KCNU1: variants seen among roughly 807,000 people sequenced by gnomAD.
KCNU1 encodes potassium channel subfamily U member 1.
Under a neutral mutation model 126.8 loss-of-function variants are expected in KCNU1, and 93 were observed. The observed-to-expected ratio is 0.73, with a 90% CI of 0.62 to 0.87. KCNU1 has a LOEUF of 0.87. Among genes scored for constraint, KCNU1 ranks in the 40% least tolerant of loss-of-function variants. The pLI is 0.00. For synonymous variants in KCNU1, 523 were observed against 494.2 expected, an observed-to-expected ratio of 1.06 and a Z score of -0.77; for missense variants, 1,330 against 1,367.1, an observed-to-expected ratio of 0.97 and a Z score of 0.43.
chr8:36,801,521 C>T (rs1007635062), intron 2 of KCNU1, among the ~76,000 whole-genome samples: 28 of 151,356 alleles, frequency 1.8e-4, no homozygotes, highest in African/African-American at 6.6e-4. Flanking sequence ...ATGCCATCAT[C>T]TTTCCAGAAA....
chr8:36,905,773 G>A lies in KCNU1; in HGVS notation c.2075G>A (p.Cys692Tyr), dbSNP rs1267314013. 1.3e-6 allele frequency: 2 copies of A among 1,594,560 alleles called. No homozygotes were observed. The highest frequency in any genetic ancestry group is 3.4e-5 in the Admixed American group (2 of 58,292). Reference sequence around the variant, plus strand: ...GATAGCAGTGGGATGTTTCACTGGTGCAAACCAACCTCTTTGGACAAGGTG... The same window carrying A: ...GATAGCAGTGGGATGTTTCACTGGTACAAACCAACCTCTTTGGACAAGGTG... ...QLDSSGMFHW[C>Y]KPTSLDKVTL... The change falls in exon 20 of 27, where the codon TGC becomes TAC. Residue 692 changes from cysteine (C) to tyrosine (Y), a missense_variant. This residue lies in a region of KCNU1 where 1,054 missense variants were observed against 1,053.9 expected (regional missense o/e 1.00). Coordinates refer to ENST00000399881, the MANE Select transcript of KCNU1 (RefSeq NM_001031836.3).
intron 10 of KCNU1, among the ~76,000 whole-genome samples, chr8:36,821,204 C>G (rs1804111416): frequency 6.6e-6 from 1 of 152,172 alleles, no homozygotes; most frequent in Non-Finnish European, 1.5e-5. Context: ...GACTCAGGAT[C>G]AGAGGACAGA....
At chr8:36,888,126 GAAAC>G (rs1324682541) in intron 19 of KCNU1, among the ~76,000 whole-genome samples, 1 of 152,002 alleles carries the variant, frequency 6.6e-6, no homozygotes, top group African/African-American at 2.4e-5. Context: ...CCAAGTAACA[GAAAC>G]AAACTAAGAG....
intron 11 of KCNU1, 29 bp downstream of exon 11, chr8:36,833,688 A>G: frequency 7.9e-7 from 1 of 1,263,002 alleles, no homozygotes; most frequent in East Asian, 2.3e-5. Flanking sequence ...TGTTCCTTGT[A>G]GTTTTCCTTA....
chr8:36,925,287 T>C (rs1027957062), intron 24 of KCNU1, among the ~76,000 whole-genome samples: 1 of 152,190 alleles, frequency 6.6e-6, no homozygotes, highest in African/African-American at 2.4e-5. Context: ...TAAGTACTTA[T>C]TTTAGGACTG....
At chr8:36,934,353 T>C (rs1393324179) in intron 26 of KCNU1, among the ~76,000 whole-genome samples, 2 of 151,748 alleles carry the variant, frequency 1.3e-5, no homozygotes, top group Non-Finnish European at 2.9e-5. Flanking sequence ...AGCATCGAGG[T>C]CTACAGACGA....
chr8:36,786,182 C>T (rs949545498), intron 1 of KCNU1, among the ~76,000 whole-genome samples: 2 of 150,974 alleles, frequency 1.3e-5, no homozygotes, highest in Non-Finnish European at 2.9e-5. Context: ...TGGAGAGTTA[C>T]AATTTCTCTC....
chr8:36,912,500 C>T (rs903025273), intron 22 of KCNU1, among the ~76,000 whole-genome samples: 1 of 152,020 alleles, frequency 6.6e-6, no homozygotes, highest in African/African-American at 2.4e-5. Flanking sequence ...GTGAGCCCTA[C>T]CTCTGCTGAG....
intron 19 of KCNU1, among the ~76,000 whole-genome samples, chr8:36,886,614 A>G (rs991744738): frequency 1.4e-4 from 21 of 152,220 alleles, no homozygotes; most frequent in African/African-American, 4.8e-4. Context: ...TGCATGCAAC[A>G]TAAGACCCAT....
In KCNU1 at chr8:36,935,671, G is replaced by T. The variant is rs2117628465; in HGVS notation, c.3201G>T (p.Glu1067Asp). The stretch of plus-strand genomic sequence containing the variant: ...TAAATAAAGCATCACAGACAACAGA[G>T]ACACATTCAGACACAAATTGTCCTC... ...EIVNKASQTT[E>D]THSDTNCPPT... Residue 1067 changes from glutamate to aspartate, a missense_variant, in exon 27 of 27, where the codon GAG becomes GAT. By Grantham distance (45) the Glu-to-Asp change is conservative. Around this residue, in one of 3 missense-constraint regions of KCNU1, gnomAD observed 1,054 missense variants for 1,053.9 expected, o/e 1.00. Coordinates refer to ENST00000399881, the MANE Select transcript of KCNU1 (RefSeq NM_001031836.3). The T allele has an allele frequency of 1.2e-6, 2 of 1,613,432 alleles. No homozygotes were observed. Among genetic ancestry groups the T allele is most frequent in the East Asian group, 4.5e-5 (2 of 44,840 alleles).
At chr8:36,905,672 A>G in intron 19 of KCNU1, 36 bp from the exon 20 acceptor site, 1 of 1,121,824 alleles carries the variant, frequency 8.9e-7, no homozygotes, top group Non-Finnish European at 1.4e-6. Context: ...GGAGCTCCAA[A>G]TAGTCTCAAA....
intron 7 of KCNU1, among the ~76,000 whole-genome samples, chr8:36,812,772 A>C (rs1305722977): frequency 6.6e-6 from 1 of 152,180 alleles, no homozygotes. Flanking sequence ...GAAGGCTGCC[A>C]TCTCCCTTCC....
chr8:36,866,644 T>G (rs1463240018), intron 19 of KCNU1, among the ~76,000 whole-genome samples: 1 of 152,102 alleles, frequency 6.6e-6, no homozygotes, highest in Admixed American at 6.6e-5. Flanking sequence ...AAATAGGCAT[T>G]TATTGAGTAG....
At chr8:36,791,227 C>G (rs116077150) in intron 2 of KCNU1, among the ~76,000 whole-genome samples, 1 of 151,958 alleles carries the variant, frequency 6.6e-6, no homozygotes, top group African/African-American at 2.4e-5. Flanking sequence ...CAACTACCTG[C>G]GGAAAAAAAT....
At chr8:36,875,447 T>G (rs1170430818) in intron 19 of KCNU1, among the ~76,000 whole-genome samples, 3 of 149,648 alleles carry the variant, frequency 2.0e-5, no homozygotes, top group Non-Finnish European at 4.4e-5. Context: ...ATTACAGAGA[T>G]ATATATACAC....
At chr8:36,912,088 T>C (rs1807895565) in intron 22 of KCNU1, among the ~76,000 whole-genome samples, 1 of 152,204 alleles carries the variant, frequency 6.6e-6, no homozygotes, top group Non-Finnish European at 1.5e-5. Flanking sequence ...CAATTGATTC[T>C]CTGTATCAAG....
intron 26 of KCNU1, among the ~76,000 whole-genome samples, 169 bp downstream of exon 26, chr8:36,933,201 G>A (rs551266863): frequency 6.6e-6 from 1 of 152,168 alleles, no homozygotes; most frequent in South Asian, 2.1e-4. Context: ...TATAAACAAG[G>A]GGGACCTGAA....
At chr8:36,846,914 C>A (rs1181570773) in intron 18 of KCNU1, among the ~76,000 whole-genome samples, 2 of 152,058 alleles carry the variant, frequency 1.3e-5, no homozygotes, top group African/African-American at 4.8e-5. Flanking sequence ...CTATTTTCAT[C>A]CCTGAGGTTC....
intron 19 of KCNU1, among the ~76,000 whole-genome samples, chr8:36,880,021 G>A (rs1297269678): frequency 1.3e-5 from 2 of 152,322 alleles, no homozygotes; most frequent in Admixed American, 6.5e-5. Flanking sequence ...GAATGTATGA[G>A]AGTGAATATA....
Sources: allele counts gnomAD v4.1 joint callset (sites outside exome capture counted in the v4.1 genomes callset), GRCh38; gene constraint gnomAD v4.1.1; regional missense constraint gnomAD v4.1.1; transcripts MANE v1.5; gene names NCBI Gene and HGNC (gene_info 2026-07-23, HGNC 2026-07-21).